The following TMEM131 variants were observed in gnomAD, a reference collection of about 807,000 sequenced individuals.
The protein encoded by TMEM131 is 2610524E03Rik.
A neutral mutation model predicts 211.6 loss-of-function variants in TMEM131; 66 were observed. The observed-to-expected ratio is 0.31, with a 90% CI of 0.26 to 0.38. The LOEUF (loss-of-function observed/expected upper bound fraction) is 0.38. Ranked by LOEUF, TMEM131 falls within the 10% of genes least tolerant of loss-of-function variation. The pLI, the probability that TMEM131 is intolerant of heterozygous loss-of-function variation, is 1.00. For missense variants in TMEM131, 2,036 were observed against 2,299.3 expected (o/e 0.89, Z 2.34); for synonymous variants, 844 against 841.3 (o/e 1.00, Z -0.06).
Position 97,792,604 on chromosome 2 carries a change from G to A in TMEM131, c.3926C>T (p.Pro1309Leu). 1 of 1,612,974 alleles carries A rather than the reference G, an allele frequency of 6.2e-7. No homozygotes were observed. The highest frequency in any genetic ancestry group is 1.3e-5 in the African/African-American group (1 of 75,054). The change falls in exon 31 of 41, where the codon CCA (proline) becomes CTA (leucine). Residue 1309 changes from proline to leucine, a missense_variant. Physicochemically the swap from Pro to Leu is moderately conservative, Grantham distance 98 (BLOSUM62 -3). This residue lies in a region of TMEM131 where 1,623 missense variants were observed against 1,805.9 expected (regional missense o/e 0.90). Coordinates refer to ENST00000186436, the MANE Select transcript of TMEM131 (RefSeq NM_015348.2). ...CTGCGGCTCCTGGGGCTGAGGCACT[G>A]GCGGTGGCAGAGGAGGCTGAGGGTG... ...EQHPQPPLPP[P>L]VPQPQEPQPE...
At chr2:97,973,376 CA>C (rs1301732761) in intron 1 of TMEM131, among the ~76,000 whole-genome samples, 8 of 152,182 alleles carry the variant, frequency 5.3e-5, no homozygotes. Flanking sequence ...GGGAAACAAA[CA>C]AGGTAAGCCC....
chr2:97,763,017 A>G (rs1176435167), intron 35 of TMEM131: 1 of 152,104 alleles, frequency 6.6e-6, no homozygotes, highest in Non-Finnish European at 1.5e-5. Context: ...GAGAGCTTGG[A>G]CCTGTGAATT....
At chr2:97,841,982 A>G (rs1683220239) in intron 6 of TMEM131, 45 bp from the exon 7 acceptor site, 23 of 1,453,214 alleles carry the variant, frequency 1.6e-5, no homozygotes, top group Non-Finnish European at 2.1e-5. Context: ...TGCTTTTATA[A>G]TTAATATTTT....
At chr2:97,941,883 T>C (rs1677747837) in intron 1 of TMEM131, among the ~76,000 whole-genome samples, 1 of 152,182 alleles carries the variant, frequency 6.6e-6, no homozygotes, top group Non-Finnish European at 1.5e-5. Flanking sequence ...GGTGGGACTG[T>C]AAACTAGTTC....
intron 38 of TMEM131, 130 bp downstream of exon 38, chr2:97,760,463 A>G: frequency 2.3e-6 from 2 of 862,850 alleles, no homozygotes; most frequent in Non-Finnish European, 3.6e-6. Flanking sequence ...GAGGCACTTG[A>G]CCACTTCTGA....
chr2:97,884,688 T>G (rs541118209), intron 4 of TMEM131, among the ~76,000 whole-genome samples: 1 of 152,250 alleles, frequency 6.6e-6, no homozygotes, highest in Non-Finnish European at 1.5e-5. Context: ...TTGTTGCTTT[T>G]TATAGCTTTT....
At chr2:97,879,739 AT>A (rs894936179) in intron 4 of TMEM131, among the ~76,000 whole-genome samples, 14 of 151,152 alleles carry the variant, frequency 9.3e-5, no homozygotes, top group East Asian at 3.9e-4. Context: ...TCTTCTTAAC[AT>A]TTTTTTTTAG....
intron 1 of TMEM131, among the ~76,000 whole-genome samples, chr2:97,937,966 C>T (rs1280632910): frequency 6.6e-6 from 1 of 152,124 alleles, no homozygotes; most frequent in Non-Finnish European, 1.5e-5. Context: ...CCTTTACAGA[C>T]AAACAAATAC....
intron 4 of TMEM131, among the ~76,000 whole-genome samples, chr2:97,877,116 A>G (rs1358161979): frequency 6.6e-6 from 1 of 152,214 alleles, no homozygotes; most frequent in Non-Finnish European, 1.5e-5. Context: ...TGCTACGAAG[A>G]GAACAAAATA....
intron 1 of TMEM131, among the ~76,000 whole-genome samples, chr2:97,990,953 G>A (rs1444431405): frequency 6.6e-6 from 1 of 152,076 alleles, no homozygotes; most frequent in Non-Finnish European, 1.5e-5. Context: ...CCATTTAATT[G>A]CCAATTGATA....
chr2:97,769,812 TAC>T (rs1187118363), intron 33 of TMEM131, among the ~76,000 whole-genome samples: 2 of 152,226 alleles, frequency 1.3e-5, no homozygotes, highest in Non-Finnish European at 2.9e-5. Context: ...TGCCATAGAC[TAC>T]AGTTTTCCGG....
intron 2 of TMEM131, among the ~76,000 whole-genome samples, chr2:97,916,447 G>C (rs1175066803): frequency 6.6e-6 from 1 of 152,192 alleles, no homozygotes; most frequent in Non-Finnish European, 1.5e-5. Context: ...GCAGCATTCT[G>C]CCAACTACAA....
intron 1 of TMEM131, among the ~76,000 whole-genome samples, chr2:97,943,406 T>A (rs1211241215): frequency 1.3e-5 from 2 of 152,146 alleles, no homozygotes; most frequent in African/African-American, 4.8e-5. Context: ...ATAAAAATTC[T>A]CAACAAAATA....
chr2:97,912,541 C>A (rs1246800355), intron 2 of TMEM131, among the ~76,000 whole-genome samples: 1 of 152,226 alleles, frequency 6.6e-6, no homozygotes, highest in African/African-American at 2.4e-5. Context: ...GGCAATTTCA[C>A]TGAATCACAG....
In TMEM131 at chr2:97,995,515, T is replaced by C; in HGVS notation, c.148A>G (p.Met50Val). 7.1e-7 allele frequency: 1 copy of C among 1,409,878 alleles called. No individual in the cohort carries two copies. The highest frequency in any genetic ancestry group is 3.1e-5 in the East Asian group (1 of 32,062). The allele number at this position is 1,409,878 out of a possible 1,614,324, so 87.3% of individuals were successfully genotyped here. The change falls in exon 1 of 41, where the codon ATG (methionine) becomes GTG (valine). Residue 50 changes from methionine to valine, a missense_variant. Met to Val is a conservative substitution (Grantham distance 21). Around this residue, in one of 3 missense-constraint regions of TMEM131, gnomAD observed 136 missense variants for 115.4 expected, o/e 1.18. Transcript: ENST00000186436. ...CGCGCCGCAGCCACTACGAGGGTCA[T>C]CACCAGGTGCAGCGCGCCTAGGAGG... ...AGLLGALHLV[M>V]TLVVAAARAE...
chr2:97,971,098 T>C (rs748677627), intron 1 of TMEM131, among the ~76,000 whole-genome samples: 3 of 152,218 alleles, frequency 2.0e-5, no homozygotes, highest in Non-Finnish European at 4.4e-5. Flanking sequence ...AAATACAATA[T>C]GAAGACAGTT....
intron 1 of TMEM131, among the ~76,000 whole-genome samples, chr2:97,927,714 C>A (rs1677051117): frequency 6.6e-6 from 1 of 152,076 alleles, no homozygotes; most frequent in Non-Finnish European, 1.5e-5. Flanking sequence ...AGGCTATATG[C>A]ATCAACTTCA....
intron 31 of TMEM131, among the ~76,000 whole-genome samples, chr2:97,779,279 G>T (rs1406138313): frequency 2.0e-5 from 3 of 152,216 alleles, no homozygotes; most frequent in Admixed American, 2.0e-4. Context: ...TGGGAGGGGA[G>T]ACAATGTGCC....
intron 11 of TMEM131, among the ~76,000 whole-genome samples, chr2:97,830,429 C>G (rs1682621934): frequency 6.6e-6 from 1 of 152,200 alleles, no homozygotes; most frequent in African/African-American, 2.4e-5. Flanking sequence ...AGGCTTTTCT[C>G]ACAACATTCA....
Sources: gnomAD v4.1 joint callset for allele counts (sites outside exome capture counted in the v4.1 genomes callset) on GRCh38, gnomAD v4.1.1 for gene constraint, gnomAD v4.1.1 regional missense constraint, MANE v1.5 for transcripts, NCBI Gene and HGNC (gene_info 2026-07-23, HGNC 2026-07-21) for gene names.